SHROOM4: variants seen among roughly 807,000 people sequenced by gnomAD.
The protein encoded by SHROOM4 is shroom family member 4.
A neutral mutation model predicts 80.3 loss-of-function variants in SHROOM4; 17 were observed. The observed-to-expected ratio is 0.21, with a 90% CI of 0.14 to 0.32. The LOEUF (loss-of-function observed/expected upper bound fraction) is 0.32. SHROOM4 is among the 10% of genes least tolerant of loss of function. SHROOM4 has a pLI of 1.00. For missense variants in SHROOM4, 993 were observed against 1,140.3 expected (o/e 0.87, Z 1.86); for synonymous variants, 400 against 437.5 (o/e 0.91, Z 1.07).
At chrX:50,808,910 A>G (rs935489610) in intron 1 of SHROOM4, among the ~76,000 whole-genome samples, 11 of 110,120 alleles carry the variant, frequency 1.0e-4, no homozygotes, top group Non-Finnish European at 1.7e-4. Context: ...TATTATGAAA[A>G]CCCAGCAGGG....
Position 50,802,473 on chromosome X carries a change from C to T in SHROOM4, c.117+11429G>A, listed in dbSNP as rs184081054. Among the ~76,000 whole-genome samples the T allele has an allele frequency of 2.7e-5, 3 of 111,748 alleles. No individual in the cohort carries two copies. The East Asian group carries it at 8.5e-4, about 32-fold the overall frequency. Reference sequence around the variant, plus strand: ...ATCTCTCAGAGCCTTCTAGATTTTACATATTAGATTAATCCCTGACTCCTA... The same window carrying T: ...ATCTCTCAGAGCCTTCTAGATTTTATATATTAGATTAATCCCTGACTCCTA... On this transcript the variant is annotated intron_variant, in intron 1 of 8. Transcript: ENST00000376020.
In SHROOM4 at chrX:50,595,674, TTC is replaced by T. The variant is rs1929077998; in HGVS notation, c.*1019_*1020del. On this transcript the variant is annotated 3_prime_UTR_variant, in exon 9 of 9. Transcript: ENST00000376020. Reference sequence around the variant, plus strand: ...ACATCGGTAGCTATGGTGGGAACAATTCAACGCCTTGGCACTTGCTTACCTAG... The same window carrying T: ...ACATCGGTAGCTATGGTGGGAACAATAACGCCTTGGCACTTGCTTACCTAG... 1 of 264,927 alleles carries T rather than the reference TTC, an allele frequency of 3.8e-6. No individual in the cohort carries two copies. Among genetic ancestry groups the T allele is most frequent in the Non-Finnish European group, 6.9e-6 (1 of 143,993 alleles). 21.8% of individuals were successfully genotyped at this position (264,927 alleles called of 1,213,427 possible).
At chrX:50,699,176 G>A (rs1288287440) in intron 1 of SHROOM4, among the ~76,000 whole-genome samples, 1 of 112,237 alleles carries the variant, frequency 8.9e-6, no homozygotes, top group Non-Finnish European at 1.9e-5. Context: ...GTTAACTTAT[G>A]TGTCATTTTG....
rs1557246682 is a variant in SHROOM4, at chrX:50,596,590, C to A, written c.*105G>T. On this transcript the variant is annotated 3_prime_UTR_variant, in exon 9 of 9. Coordinates refer to ENST00000376020, the MANE Select transcript of SHROOM4 (RefSeq NM_020717.5). Reference sequence around the variant, plus strand: ...AGACATCCAGGGTAGAGGGCTGGAACAAACTGCTAATTGCTATCTACTTGC... The same window carrying A: ...AGACATCCAGGGTAGAGGGCTGGAAAAAACTGCTAATTGCTATCTACTTGC... 3.7e-6 allele frequency: 4 copies of A among 1,081,289 alleles called. No individual in the cohort carries two copies. The highest frequency in any genetic ancestry group is 5.0e-6 in the Non-Finnish European group (4 of 793,076). The allele number at this position is 1,081,289 out of a possible 1,213,427, so 89.1% of individuals were successfully genotyped here. A position where few individuals can be genotyped will look rare whatever the true frequency, so the allele number is the denominator to read the frequency against.
At position 50,587,917 on chromosome X, in the gene SHROOM4, T is replaced by C. The variant is rs1391713743; in HGVS notation, c.*8778A>G. Among the ~76,000 whole-genome samples, 1 of 112,075 alleles carries C rather than the reference T, an allele frequency of 8.9e-6. No homozygotes were observed. The highest frequency in any genetic ancestry group is 3.2e-5 in the African/African-American group (1 of 30,824). ...AAAAATGTATGTTTAGATAGAAAAA[T>C]AGTGTAAGCAAAGATAAGTGAAAGT... is the stretch of plus-strand genomic sequence containing the variant. On this transcript the variant is annotated 3_prime_UTR_variant, in exon 9 of 9. Coordinates refer to ENST00000376020, the MANE Select transcript of SHROOM4 (RefSeq NM_020717.5).
At chrX:50,759,852 A>C (rs1486331623) in intron 1 of SHROOM4, among the ~76,000 whole-genome samples, 1 of 111,768 alleles carries the variant, frequency 8.9e-6, no homozygotes, top group Non-Finnish European at 1.9e-5. Flanking sequence ...TAATTCCCAC[A>C]TATTTGTGAA....
chrX:50,746,020 CAT>C (rs1317431943), intron 1 of SHROOM4, among the ~76,000 whole-genome samples: 9 of 111,806 alleles, frequency 8.0e-5, no homozygotes, highest in East Asian at 5.6e-4. Context: ...TAATTCAACA[CAT>C]GTTTAGCACA....
intron 1 of SHROOM4, among the ~76,000 whole-genome samples, chrX:50,742,644 G>C (rs782798031): frequency 5.3e-4 from 54 of 100,996 alleles, no homozygotes; most frequent in African/African-American, 1.9e-3. Context: ...AATTTTTCGG[G>C]GGGGGGGGCA....
chrX:50,785,517 T>C (rs1481982070), intron 1 of SHROOM4, among the ~76,000 whole-genome samples: 1 of 112,190 alleles, frequency 8.9e-6, no homozygotes, highest in Middle Eastern at 4.7e-3. Context: ...ACTGCTGATA[T>C]ATGCAACAAC....
chrX:50,676,678 ACTCT>A (rs1351550007), intron 2 of SHROOM4, among the ~76,000 whole-genome samples: 8 of 110,581 alleles, frequency 7.2e-5, no homozygotes, highest in African/African-American at 2.6e-4. Context: ...GATCACTTTA[ACTCT>A]CTGATCAAAA....
chrX:50,723,393 G>GGAGGGAGA (rs1557265630), intron 1 of SHROOM4, among the ~76,000 whole-genome samples: 32 of 54,469 alleles, frequency 5.9e-4, no homozygotes, highest in African/African-American at 1.6e-3. Flanking sequence ...AGCAAGGGAG[G>GGAGGGAGA]GAGAGAGAGA....
intron 1 of SHROOM4, among the ~76,000 whole-genome samples, chrX:50,738,600 T>C (rs1354272437): frequency 1.8e-5 from 2 of 110,612 alleles, no homozygotes; most frequent in Non-Finnish European, 3.8e-5. Context: ...GAGAATAAAA[T>C]ACCTAGGAAT....
rs1315537946 is a variant in SHROOM4 at position 50,803,569 on chromosome X, G to C, written c.117+10333C>G. On this transcript the variant is annotated intron_variant, in intron 1 of 8. Coordinates refer to ENST00000376020, the MANE Select transcript of SHROOM4 (RefSeq NM_020717.5). ...ATCCTGTATTATCCCTCAAGGCCTAGCTCCAATTCTTCCTTTTTTCACAAA... is the reference window on the plus strand; with the variant it reads ...ATCCTGTATTATCCCTCAAGGCCTACCTCCAATTCTTCCTTTTTTCACAAA... Among the ~76,000 whole-genome samples, 9 of 111,608 alleles carry C rather than the reference G, an allele frequency of 8.1e-5. No homozygotes were observed. In the Admixed American group the frequency reaches 8.6e-4, roughly 11 times the overall value.
intron 1 of SHROOM4, among the ~76,000 whole-genome samples, chrX:50,745,302 G>C (rs1259442449): frequency 4.5e-5 from 5 of 111,348 alleles, no homozygotes; most frequent in Admixed American, 9.6e-5. Context: ...ATTCCTTCAT[G>C]CTCTGTTCTA....
intron 1 of SHROOM4, among the ~76,000 whole-genome samples, chrX:50,800,636 C>T (rs890205189): frequency 5.4e-5 from 6 of 111,208 alleles, no homozygotes; most frequent in Admixed American, 2.9e-4. Flanking sequence ...GTGAGAAAAT[C>T]GGAGGCCAGA....
intron 4 of SHROOM4, among the ~76,000 whole-genome samples, chrX:50,628,753 A>G (rs1557253587): frequency 2.7e-5 from 3 of 112,037 alleles, no homozygotes; most frequent in African/African-American, 9.7e-5. Flanking sequence ...TCAGTTTCCT[A>G]TCTGGGTGAC....
At chrX:50,598,726 G>A (rs1201380987) in intron 7 of SHROOM4, among the ~76,000 whole-genome samples, 191 bp from the exon 8 acceptor site, 1 of 112,034 alleles carries the variant, frequency 8.9e-6, no homozygotes, top group Non-Finnish European at 1.9e-5. Flanking sequence ...TATCCGTCTG[G>A]TAGGGATCTC....
downstream of SHROOM4, among the ~76,000 whole-genome samples, chrX:50,584,466 A>T (rs190324629): frequency 4.5e-5 from 5 of 112,012 alleles, no homozygotes; most frequent in East Asian, 1.4e-3. Context: ...TGACCTAGAC[A>T]GGAGAAGGGG....
At chrX:50,615,099 TG>T (rs1557250566) in intron 5 of SHROOM4, among the ~76,000 whole-genome samples, 10 of 3,070 alleles carry the variant, frequency 3.3e-3, no homozygotes, top group Non-Finnish European at 0.012. Flanking sequence ...ATTCTCTTAT[TG>T]TGTGTGTGTG....
Sources: allele counts gnomAD v4.1 joint callset (sites outside exome capture counted in the v4.1 genomes callset), GRCh38; gene constraint gnomAD v4.1.1; transcripts MANE v1.5; gene names NCBI Gene and HGNC (gene_info 2026-07-23, HGNC 2026-07-21).